Variants in VAV2 observed in about 807,000 individuals in gnomAD.
VAV2 encodes vav guanine nucleotide exchange factor 2.
VAV2 carries 67 observed loss-of-function variants against 132.5 expected under a neutral mutation model. The ratio of observed to expected loss-of-function variants is 0.51; its 90% confidence interval spans 0.42 to 0.62. The LOEUF (loss-of-function observed/expected upper bound fraction) is 0.62. Ranked by LOEUF, VAV2 falls within the 20% of genes least tolerant of loss-of-function variation. The pLI is 0.00. For missense variants in VAV2, 938 were observed against 1,153.6 expected (o/e 0.81, Z 2.71); for synonymous variants, 492 against 443.5 (o/e 1.11, Z -1.37).
At chr9:133,940,672 C>CGTGCGTGTGT (rs1554814232) in intron 1 of VAV2, among the ~76,000 whole-genome samples, 5 of 139,238 alleles carry the variant, frequency 3.6e-5, no homozygotes, top group African/African-American at 1.3e-4. Context: ...TGTCCACGTG[C>CGTGCGTGTGT]GTGTGTGTGT....
At chr9:133,808,956 C>T (rs1041239389) in intron 7 of VAV2, 84 bp downstream of exon 7, 3 of 1,311,728 alleles carry the variant, frequency 2.3e-6, no homozygotes, top group Non-Finnish European at 3.2e-6. Flanking sequence ...GCCCTGCCTC[C>T]GGAATGCACT....
intron 1 of VAV2, among the ~76,000 whole-genome samples, chr9:133,951,306 T>A (rs1417776521): frequency 6.6e-6 from 1 of 152,174 alleles, no homozygotes; most frequent in Non-Finnish European, 1.5e-5. Context: ...CTACGGGGGC[T>A]GGAGAACAAG....
chr9:133,952,774 C>G (rs189321098), intron 1 of VAV2, among the ~76,000 whole-genome samples: 23 of 152,284 alleles, frequency 1.5e-4, no homozygotes, highest in South Asian at 6.2e-4. Context: ...CTGGGGCCAC[C>G]AGAATCTTGA....
chr9:133,774,726 G>T (rs1175324384), intron 25 of VAV2, among the ~76,000 whole-genome samples: 1 of 152,178 alleles, frequency 6.6e-6, no homozygotes, highest in Non-Finnish European at 1.5e-5. Flanking sequence ...TGGACCATCT[G>T]TGCATGCCAG....
At chr9:133,787,953 C>T (rs558921791) in intron 15 of VAV2, among the ~76,000 whole-genome samples, 6 of 152,334 alleles carry the variant, frequency 3.9e-5, no homozygotes, top group African/African-American at 9.6e-5. Flanking sequence ...CAGGGTGGGA[C>T]GGGAGAGGAA....
intron 3 of VAV2, among the ~76,000 whole-genome samples, chr9:133,845,477 G>A (rs1423090767): frequency 1.3e-5 from 2 of 152,232 alleles, no homozygotes; most frequent in African/African-American, 4.8e-5. Flanking sequence ...CCTCAGGCGA[G>A]ATCTCTCTCC....
At chr9:133,793,338 A>C (rs910070328) in intron 12 of VAV2, among the ~76,000 whole-genome samples, 18 of 152,024 alleles carry the variant, frequency 1.2e-4, no homozygotes, top group African/African-American at 4.1e-4. Context: ...CCAGAGCCAG[A>C]GCCAGGTCTT....
chr9:133,914,965 C>T (rs563845318), intron 2 of VAV2, among the ~76,000 whole-genome samples: 19 of 151,964 alleles, frequency 1.3e-4, no homozygotes, highest in African/African-American at 3.6e-4. Context: ...CTGGGCCAAG[C>T]GGCATCAAAC....
rs1381355434 is a variant in VAV2, at chr9:133,931,109, G to A, written c.321+7994C>T. Among the ~76,000 whole-genome samples, 5 of 152,322 alleles carry A rather than the reference G, an allele frequency of 3.3e-5. 1 individual carries two copies. The East Asian group carries it at 5.8e-4, about 18-fold the overall frequency. The stretch of plus-strand genomic sequence containing the variant: ...CCGCGGGTTCCTGGGGCCAGGCAGG[G>A]TGGCCTGGGCTGGGACACCAGAGAA... On this transcript the variant is annotated intron_variant, in intron 2 of 29. Coordinates refer to ENST00000371850, the MANE Select transcript of VAV2 (RefSeq NM_001134398.2).
At chr9:133,838,742 G>T (rs1588249267) in intron 3 of VAV2, among the ~76,000 whole-genome samples, 1 of 148,830 alleles carries the variant, frequency 6.7e-6, no homozygotes, top group East Asian at 2.0e-4. Context: ...TGAATGGGTG[G>T]GTGGATGAAT....
intron 2 of VAV2, among the ~76,000 whole-genome samples, chr9:133,931,333 G>A (rs552577827): frequency 2.4e-4 from 37 of 152,306 alleles, no homozygotes; most frequent in African/African-American, 7.9e-4. Flanking sequence ...AGCAGCGAGG[G>A]GGAGCAAGGG....
At chr9:133,835,565 G>A (rs1047673166) in intron 3 of VAV2, among the ~76,000 whole-genome samples, 2 of 152,210 alleles carry the variant, frequency 1.3e-5, no homozygotes, top group Non-Finnish European at 2.9e-5. Flanking sequence ...TAGCCCCAGG[G>A]TGCGTGTTCT....
rs755209800 is a variant in VAV2, at chr9:133,768,645, C to T, written c.2435-49G>A. 6.3e-7 allele frequency: 1 copy of T among 1,586,942 alleles called. No individual in the cohort carries two copies. Among genetic ancestry groups the T allele is most frequent in the Non-Finnish European group, 8.6e-7 (1 of 1,167,538 alleles). On this transcript the variant is annotated intron_variant, in intron 28 of 29. Transcript: ENST00000371850. This position sits in a 1 kb window ranked among gnomAD's most constrained non-coding sequence, Gnocchi z 5.3. ...CACACAGCTGCAGGAGGAGCCCAAC[C>T]AGTGATCCAGGAGGCCCTTGGGCCA...
At chr9:133,778,641 C>T in intron 22 of VAV2, 121 bp downstream of exon 22, 2 of 1,425,736 alleles carry the variant, frequency 1.4e-6, no homozygotes, top group Non-Finnish European at 1.9e-6. Context: ...CTCCTCCTCC[C>T]TGGTGGTCTC....
At chr9:133,964,654 A>T (rs1842088920) in intron 1 of VAV2, among the ~76,000 whole-genome samples, 1 of 152,230 alleles carries the variant, frequency 6.6e-6, no homozygotes, top group African/African-American at 2.4e-5. Context: ...CAGGAATGCA[A>T]GGATGGCTCA....
chr9:133,973,831 GC>G lies in VAV2; in HGVS notation c.204+18243del, dbSNP rs948048345. ...CCTAAAGAGGAAGACAAAATGCAGG[GC>G]CCCCCCAGGCCTTGGGATAAGCATC... On this transcript the variant is annotated intron_variant, in intron 1 of 29. Transcript: ENST00000371850. Among the ~76,000 whole-genome samples, 7 of 152,118 alleles carry G rather than the reference GC, an allele frequency of 4.6e-5. No individual in the cohort carries two copies. The East Asian group carries it at 7.7e-4, about 17-fold the overall frequency.
rs1019865824 is a variant in VAV2 at position 133,762,776 on chromosome 9, C to G, written c.*1286G>C. On this transcript the variant is annotated 3_prime_UTR_variant, in exon 30 of 30. Coordinates refer to ENST00000371850, the MANE Select transcript of VAV2 (RefSeq NM_001134398.2). The surrounding 1 kb of genome is among the most constrained non-coding windows in gnomAD (Gnocchi z 5.0). ...CCTAGGTCCCCAGCGCCACCCACAG[C>G]AGGGACCAGCTTCCCCCACACCCAG... 6.5e-6 allele frequency: 1 copy of G among 152,964 alleles called. No homozygotes were observed. Among genetic ancestry groups the G allele is most frequent in the African/African-American group, 2.4e-5 (1 of 41,474 alleles). The allele number at this position is 152,964 out of a possible 1,614,324, so 9.5% of individuals were successfully genotyped here. A position where few individuals can be genotyped will look rare whatever the true frequency, so the allele number is the denominator to read the frequency against.
chr9:133,774,774 CT>C (rs1428728606), intron 25 of VAV2, among the ~76,000 whole-genome samples, 160 bp downstream of exon 25: 3 of 152,196 alleles, frequency 2.0e-5, no homozygotes, highest in Admixed American at 6.5e-5. Flanking sequence ...TAGAGACCCC[CT>C]GACCCCTCAG....
intron 3 of VAV2, among the ~76,000 whole-genome samples, chr9:133,849,714 C>G (rs926768879): frequency 6.6e-6 from 1 of 152,194 alleles, no homozygotes; most frequent in Non-Finnish European, 1.5e-5. Context: ...TCTTCCAGCT[C>G]AGGTGGGCTC....
Sources: allele counts gnomAD v4.1 joint callset (sites outside exome capture counted in the v4.1 genomes callset), GRCh38; gene constraint gnomAD v4.1.1; non-coding constraint Gnocchi (gnomAD v3.1); transcripts MANE v1.5; gene names NCBI Gene and HGNC (gene_info 2026-07-23, HGNC 2026-07-21).